ZBTB7C: variants seen among roughly 807,000 people sequenced by gnomAD.
ZBTB7C encodes the protein zinc finger and BTB domain-containing protein 7C.
Under a neutral mutation model 25.7 loss-of-function variants are expected in ZBTB7C, and 8 were observed. That is an observed-to-expected ratio of 0.31 (90% confidence interval 0.18 to 0.56). The LOEUF (loss-of-function observed/expected upper bound fraction) is 0.56, where lower values mean the gene tolerates loss of function less well. Among genes scored for constraint, ZBTB7C ranks in the 20% least tolerant of loss-of-function variants. The pLI is 0.91. For missense variants in ZBTB7C, 824 were observed against 855.2 expected (o/e 0.96, Z 0.46); for synonymous variants, 394 against 369.0 (o/e 1.07, Z -0.78).
At chr18:48,374,755 A>G (rs1032408006) in intron 1 of ZBTB7C, among the ~76,000 whole-genome samples, 4 of 152,222 alleles carry the variant, frequency 2.6e-5, no homozygotes, top group Admixed American at 2.6e-4. Flanking sequence ...ATTTTAGCCA[A>G]CAAACAGGCA....
At chr18:48,154,211 T>C (rs1156735313) in intron 3 of ZBTB7C, among the ~76,000 whole-genome samples, 1 of 152,098 alleles carries the variant, frequency 6.6e-6, no homozygotes, top group African/African-American at 2.4e-5. Flanking sequence ...GGAATCGATC[T>C]GAATGGCCAG....
At chr18:48,184,320 C>G (rs146470348) in intron 3 of ZBTB7C, among the ~76,000 whole-genome samples, 1 of 152,154 alleles carries the variant, frequency 6.6e-6, no homozygotes, top group Non-Finnish European at 1.5e-5. Context: ...GCCAAAAGGA[C>G]CTGTTGCATA....
intron 3 of ZBTB7C, among the ~76,000 whole-genome samples, chr18:48,110,753 G>A (rs2144664284): frequency 6.6e-6 from 1 of 152,242 alleles, no homozygotes; most frequent in African/African-American, 2.4e-5. Flanking sequence ...GTGGAGACCG[G>A]GTCCACCTGC....
intron 3 of ZBTB7C, among the ~76,000 whole-genome samples, chr18:48,155,020 C>G (rs1488017742): frequency 6.6e-6 from 1 of 152,216 alleles, no homozygotes. Context: ...TGGTGCATAA[C>G]TGAATTCTCA....
chr18:48,066,648 C>A (rs1449297149), intron 3 of ZBTB7C, among the ~76,000 whole-genome samples: 1 of 152,178 alleles, frequency 6.6e-6, no homozygotes, highest in African/African-American at 2.4e-5. Flanking sequence ...GCTTCCCCCT[C>A]CCCTGTTCCT....
intron 2 of ZBTB7C, among the ~76,000 whole-genome samples, chr18:48,277,691 C>T (rs188362457): frequency 5.3e-5 from 8 of 152,206 alleles, no homozygotes; most frequent in Non-Finnish European, 7.3e-5. Context: ...TGGGTTCAGC[C>T]GGCTTCACAG....
chr18:48,192,812 T>C (rs989943617), intron 2 of ZBTB7C, among the ~76,000 whole-genome samples: 4 of 152,204 alleles, frequency 2.6e-5, no homozygotes, highest in Admixed American at 1.3e-4. Flanking sequence ...TCATCGATTA[T>C]AACAAATGTG....
chr18:48,161,171 G>A (rs1339835639), intron 3 of ZBTB7C, among the ~76,000 whole-genome samples: 1 of 151,868 alleles, frequency 6.6e-6, no homozygotes, highest in Non-Finnish European at 1.5e-5. Flanking sequence ...TGTGGGGGAG[G>A]GAGGGCCTCC....
chr18:48,077,732 C>T (rs1444352206), intron 3 of ZBTB7C, among the ~76,000 whole-genome samples: 1 of 152,162 alleles, frequency 6.6e-6, no homozygotes, highest in Non-Finnish European at 1.5e-5. Context: ...GCACCTGGGT[C>T]ACCTCGTCCT....
At chr18:48,311,971 C>T (rs1448473751) in intron 2 of ZBTB7C, among the ~76,000 whole-genome samples, 2 of 152,212 alleles carry the variant, frequency 1.3e-5, no homozygotes, top group Non-Finnish European at 2.9e-5. Context: ...ACATCTTTGA[C>T]CTGCCACCTG....
chr18:48,393,638 C>T (rs2047953296), intron 1 of ZBTB7C, among the ~76,000 whole-genome samples: 1 of 152,160 alleles, frequency 6.6e-6, no homozygotes, highest in Admixed American at 6.5e-5. Context: ...TGATCACACA[C>T]ATGCATGTAT....
At chr18:48,232,015 C>T (rs539319958) in intron 2 of ZBTB7C, among the ~76,000 whole-genome samples, 127 of 152,342 alleles carry the variant, frequency 8.3e-4, no homozygotes, top group African/African-American at 3.1e-3. Flanking sequence ...TGCTCACATA[C>T]CCCTCGCTGC....
chr18:48,130,643 C>A (rs2039959082), intron 3 of ZBTB7C, among the ~76,000 whole-genome samples: 1 of 152,120 alleles, frequency 6.6e-6, no homozygotes, highest in Non-Finnish European at 1.5e-5. Context: ...GCAGCAGAAG[C>A]CCCCTTTTAT....
intron 2 of ZBTB7C, among the ~76,000 whole-genome samples, chr18:48,326,437 A>AACACAC (rs779397055): frequency 6.6e-6 from 1 of 151,760 alleles, no homozygotes; most frequent in Non-Finnish European, 1.5e-5. Context: ...TCTGTAATTA[A>AACACAC]ACACACACAC....
At chr18:48,148,381 C>T (rs368436496) in intron 3 of ZBTB7C, 2 of 152,142 alleles carry the variant, frequency 1.3e-5, no homozygotes, top group African/African-American at 4.8e-5. Context: ...AATCTGTCCT[C>T]CTTATAACAG....
intron 2 of ZBTB7C, among the ~76,000 whole-genome samples, chr18:48,310,215 G>A (rs2045781565): frequency 6.6e-6 from 1 of 151,046 alleles, no homozygotes; most frequent in Non-Finnish European, 1.5e-5. Context: ...GGGCAACAGA[G>A]TGAGACTCCA....
intron 2 of ZBTB7C, among the ~76,000 whole-genome samples, chr18:48,336,591 G>A (rs1261742616): frequency 1.3e-5 from 2 of 152,110 alleles, no homozygotes; most frequent in African/African-American, 4.8e-5. Flanking sequence ...CACAGTGCTC[G>A]GTGCACAACA....
intron 2 of ZBTB7C, among the ~76,000 whole-genome samples, chr18:48,228,509 T>A (rs920281300): frequency 3.3e-5 from 5 of 151,998 alleles, no homozygotes; most frequent in Non-Finnish European, 7.4e-5. Flanking sequence ...CACCCCTGCA[T>A]CCTCCTCCCC....
chr18:48,281,446 C>G (rs1207506615), intron 2 of ZBTB7C, among the ~76,000 whole-genome samples: 1 of 152,192 alleles, frequency 6.6e-6, no homozygotes, highest in South Asian at 2.1e-4. Flanking sequence ...CAACAAAAGC[C>G]AAAATTGACA....
Sources: allele counts gnomAD v4.1 joint callset (sites outside exome capture counted in the v4.1 genomes callset), GRCh38; gene constraint gnomAD v4.1.1; transcripts MANE v1.5; gene names NCBI Gene and HGNC (gene_info 2026-07-23, HGNC 2026-07-21).